Variants in CSMD1 observed in about 807,000 individuals in gnomAD.
CSMD1 encodes the protein CUB and sushi domain-containing protein 1.
Under a neutral mutation model 417.5 loss-of-function variants are expected in CSMD1, and 213 were observed. The ratio of observed to expected loss-of-function variants is 0.51; its 90% CI spans 0.46 to 0.57. The LOEUF (loss-of-function observed/expected upper bound fraction) is 0.57, where lower values mean the gene tolerates loss of function less well. Among genes scored for constraint, CSMD1 ranks in the 20% least tolerant of loss-of-function variants. The pLI is 0.00. For synonymous variants in CSMD1, 2,862 were observed against 1,736.8 expected (o/e 1.65, Z -16.11); for missense variants, 6,923 against 4,529.7 (o/e 1.53, Z -15.17).
rs62480602 is a variant in CSMD1 at position 4,336,392 on chromosome 8, C to A, written c.415+83561G>T. ...GCAACTGTGCCTGACTAGGCGTGACCCATGGCCACTCCTGATGGAATGACC... is the reference window on the plus strand; with the variant it reads ...GCAACTGTGCCTGACTAGGCGTGACACATGGCCACTCCTGATGGAATGACC... On this transcript the variant is annotated intron_variant, in intron 3 of 69. Coordinates refer to ENST00000635120, the MANE Select transcript of CSMD1 (RefSeq NM_033225.6). 4.3e-3 allele frequency among the ~76,000 whole-genome samples: 661 copies of A among 152,176 alleles called. 3 individuals carry two copies. Among genetic ancestry groups the A allele is most frequent in the Non-Finnish European group, 7.4e-3 (503 of 68,008 alleles).
chr8:3,324,279 C>CA (rs200128831), intron 23 of CSMD1, among the ~76,000 whole-genome samples: 2 of 139,688 alleles, frequency 1.4e-5, no homozygotes, highest in African/African-American at 5.4e-5. Flanking sequence ...TTAAAATAGG[C>CA]CACACCTAAC....
intron 2 of CSMD1, among the ~76,000 whole-genome samples, chr8:4,431,884 T>C (rs1797890484): frequency 6.6e-6 from 1 of 152,184 alleles, no homozygotes. Flanking sequence ...TTATATATAC[T>C]ATTAAAATAT....
chr8:3,755,881 C>G (rs1352026916), intron 5 of CSMD1, among the ~76,000 whole-genome samples: 2 of 152,048 alleles, frequency 1.3e-5, no homozygotes, highest in African/African-American at 4.8e-5. Context: ...CTGGTGACAG[C>G]TGGACACAGC....
At chr8:3,337,252 T>C (rs1371741704) in intron 23 of CSMD1, among the ~76,000 whole-genome samples, 1 of 152,228 alleles carries the variant, frequency 6.6e-6, no homozygotes, top group Admixed American at 6.5e-5. Flanking sequence ...CAGAAAATAT[T>C]TTGATAAACA....
chr8:3,572,819 C>T (rs1156571827), intron 10 of CSMD1, among the ~76,000 whole-genome samples: 1 of 152,044 alleles, frequency 6.6e-6, no homozygotes, highest in African/African-American at 2.4e-5. Flanking sequence ...CCTAATATAG[C>T]CCCCAAACAA....
intron 8 of CSMD1, among the ~76,000 whole-genome samples, chr8:3,611,088 G>T (rs1372755271): frequency 9.6e-6 from 1 of 104,232 alleles, no homozygotes; most frequent in Non-Finnish European, 1.8e-5. Context: ...GTTGTGGGGT[G>T]GGGGGAGGGG....
intron 3 of CSMD1, among the ~76,000 whole-genome samples, chr8:4,185,869 C>G (rs1394377791): frequency 6.6e-6 from 1 of 152,126 alleles, no homozygotes; most frequent in East Asian, 1.9e-4. Flanking sequence ...TCTTGTAGGC[C>G]TGAGTACTAA....
intron 20 of CSMD1, among the ~76,000 whole-genome samples, chr8:3,365,909 C>A (rs991134743): frequency 2.6e-5 from 4 of 152,150 alleles, no homozygotes; most frequent in Admixed American, 6.5e-5. Flanking sequence ...AGCAGTAGAG[C>A]TGTTGTTTAT....
intron 1 of CSMD1, among the ~76,000 whole-genome samples, chr8:4,685,889 C>A (rs1282400024): frequency 6.6e-6 from 1 of 152,156 alleles, no homozygotes; most frequent in African/African-American, 2.4e-5. Flanking sequence ...GCCATGGCCA[C>A]CTTGATTCTC....
chr8:4,952,662 T>C (rs917192044), intron 1 of CSMD1, among the ~76,000 whole-genome samples: 8 of 152,094 alleles, frequency 5.3e-5, no homozygotes, highest in Non-Finnish European at 1.2e-4. Context: ...AATATGGATT[T>C]AAAAATCTAT....
intron 49 of CSMD1, among the ~76,000 whole-genome samples, chr8:3,077,145 C>G (rs1471275738): frequency 6.6e-6 from 1 of 152,180 alleles, no homozygotes; most frequent in Non-Finnish European, 1.5e-5. Flanking sequence ...CTTCCTGGAG[C>G]CTGCCAAATC....
At chr8:3,657,129 T>C (rs1015457774) in intron 7 of CSMD1, among the ~76,000 whole-genome samples, 1 of 152,098 alleles carries the variant, frequency 6.6e-6, no homozygotes, top group Non-Finnish European at 1.5e-5. Context: ...TATGGCATCA[T>C]CTGTCCCTAG....
chr8:4,408,093 C>G (rs139208758), intron 3 of CSMD1, among the ~76,000 whole-genome samples: 3 of 152,212 alleles, frequency 2.0e-5, no homozygotes, highest in East Asian at 1.9e-4. Flanking sequence ...GCATGCTTCA[C>G]AAAAAGTTTA....
intron 1 of CSMD1, chr8:4,788,573 G>C (rs1043182093): frequency 2.3e-6 from 3 of 1,328,630 alleles, no homozygotes; most frequent in South Asian, 1.6e-5. Flanking sequence ...GAAAATCAGA[G>C]AATGTAATTT....
At chr8:4,268,304 T>C (rs750563994) in intron 3 of CSMD1, among the ~76,000 whole-genome samples, 1 of 152,140 alleles carries the variant, frequency 6.6e-6, no homozygotes, top group Non-Finnish European at 1.5e-5. Flanking sequence ...TACAGCTACA[T>C]ATAAAACCAT....
intron 20 of CSMD1, among the ~76,000 whole-genome samples, chr8:3,366,299 C>T (rs1809562954): frequency 1.3e-5 from 2 of 152,084 alleles, no homozygotes; most frequent in African/African-American, 4.8e-5. Context: ...GTGACCTGTT[C>T]ACTGAGCATC....
intron 1 of CSMD1, among the ~76,000 whole-genome samples, chr8:4,726,370 T>G (rs1382419742): frequency 6.6e-6 from 1 of 152,008 alleles, no homozygotes; most frequent in Non-Finnish European, 1.5e-5. Context: ...CACCAAAAGC[T>G]TTCTCTTCTA....
chr8:4,069,588 G>C (rs76858644), intron 3 of CSMD1, among the ~76,000 whole-genome samples: 502 of 152,210 alleles, frequency 3.3e-3, no homozygotes, highest in Non-Finnish European at 5.7e-3. Context: ...TGTATCTTGG[G>C]CCAGTGGCCA....
chr8:3,249,441 C>T (rs1263854608), intron 26 of CSMD1, among the ~76,000 whole-genome samples: 1 of 152,108 alleles, frequency 6.6e-6, no homozygotes, highest in Non-Finnish European at 1.5e-5. Context: ...CCAGGCTGGC[C>T]TTGAACTCCT....
Sources: allele counts gnomAD v4.1 joint callset (sites outside exome capture counted in the v4.1 genomes callset), GRCh38; gene constraint gnomAD v4.1.1; transcripts MANE v1.5; gene names NCBI Gene and HGNC (gene_info 2026-07-23, HGNC 2026-07-21).